The following SCHIP1 variants were observed in gnomAD, a reference collection of about 807,000 sequenced individuals.
SCHIP1 encodes the protein schwannomin-interacting protein 1.
In SCHIP1, 8 loss-of-function variants were observed where a neutral mutation model predicts 29.7. The ratio of observed to expected loss-of-function variants is 0.27; its 90% CI spans 0.16 to 0.49. The LOEUF is 0.49. Among genes scored for constraint, SCHIP1 ranks in the 20% least tolerant of loss-of-function variants. The pLI, the probability that SCHIP1 is intolerant of heterozygous loss-of-function variation, is 0.99. For missense variants in SCHIP1, 193 were observed against 294.6 expected (o/e 0.66, Z 2.52); for synonymous variants, 76 against 94.9 (o/e 0.80, Z 1.16).
the SCHIP1 span, among the ~76,000 whole-genome samples, chr3:159,610,175 C>T: frequency 1.0e-3 from 158 of 152,288 alleles, no homozygotes; most frequent in African/African-American, 3.5e-3. Flanking sequence ...CTAAGTTTGT[C>T]TGTCTCTAAA....
chr3:159,317,591 C>A, the SCHIP1 span, among the ~76,000 whole-genome samples: 1 of 152,152 alleles, frequency 6.6e-6, no homozygotes, highest in Non-Finnish European at 1.5e-5. Context: ...AGTATTGTCA[C>A]CTAGTTGGCA....
At chr3:159,614,870 C>T in the SCHIP1 span, among the ~76,000 whole-genome samples, 1,252 of 152,252 alleles carry the variant, frequency 8.2e-3, 11 homozygotes, top group African/African-American at 0.029. Flanking sequence ...GTGCTAGGTG[C>T]GTGCAAGGGA....
chr3:159,554,735 T>C, the SCHIP1 span, among the ~76,000 whole-genome samples: 5 of 152,084 alleles, frequency 3.3e-5, no homozygotes, highest in Admixed American at 2.0e-4. Flanking sequence ...AACCCTAAGA[T>C]AGTGGCTCTG....
chr3:159,750,296 T>TATATATATATACAC, the SCHIP1 span, among the ~76,000 whole-genome samples: 33 of 132,736 alleles, frequency 2.5e-4, no homozygotes, highest in African/African-American at 8.7e-4. Context: ...TATATATATA[T>TATATATATATACAC]ACACACACAC....
At chr3:159,841,183 G>GT (rs1245435698) in intron 1 of SCHIP1, among the ~76,000 whole-genome samples, 1 of 152,202 alleles carries the variant, frequency 6.6e-6, no homozygotes, top group African/African-American at 2.4e-5. Flanking sequence ...TTTCACAATG[G>GT]TAAATATGTG....
chr3:159,735,375 A>T, the SCHIP1 span, among the ~76,000 whole-genome samples: 1 of 151,646 alleles, frequency 6.6e-6, no homozygotes, highest in African/African-American at 2.4e-5. Context: ...GATTACAGGC[A>T]CCCGTCATCA....
At chr3:159,531,122 T>C in the SCHIP1 span, among the ~76,000 whole-genome samples, 2 of 152,226 alleles carry the variant, frequency 1.3e-5, no homozygotes, top group Non-Finnish European at 2.9e-5. Flanking sequence ...AGGTTGGATA[T>C]TTTTTAATTG....
At chr3:159,514,194 G>A in the SCHIP1 span, among the ~76,000 whole-genome samples, 1 of 152,072 alleles carries the variant, frequency 6.6e-6, no homozygotes, top group African/African-American at 2.4e-5. Context: ...CACCGTCATG[G>A]AAAACTATGA....
chr3:159,606,023 G>A, the SCHIP1 span, among the ~76,000 whole-genome samples: 7 of 152,156 alleles, frequency 4.6e-5, no homozygotes, highest in African/African-American at 1.2e-4. Flanking sequence ...GAAAGCACTC[G>A]AACTGTGACA....
chr3:159,782,899 G>C, the SCHIP1 span, among the ~76,000 whole-genome samples: 43 of 152,176 alleles, frequency 2.8e-4, no homozygotes, highest in Non-Finnish European at 5.0e-4. Flanking sequence ...CACCCAGAGA[G>C]CTCTCCTCCC....
the SCHIP1 span, among the ~76,000 whole-genome samples, chr3:159,347,314 G>A: frequency 3.3e-5 from 5 of 152,142 alleles, no homozygotes; most frequent in African/African-American, 1.2e-4. Flanking sequence ...CATAATCTCA[G>A]CATGTATTTA....
At chr3:159,300,647 C>T in the SCHIP1 span, among the ~76,000 whole-genome samples, 1 of 152,234 alleles carries the variant, frequency 6.6e-6, no homozygotes, top group African/African-American at 2.4e-5. Context: ...GCACCGACTA[C>T]AATGGCCTGT....
chr3:159,294,055 T>C, the SCHIP1 span, among the ~76,000 whole-genome samples: 109 of 152,222 alleles, frequency 7.2e-4, no homozygotes, highest in Middle Eastern at 3.4e-3. Flanking sequence ...CCATCTTGAA[T>C]GGAGTGCCTG....
the SCHIP1 span, among the ~76,000 whole-genome samples, chr3:159,756,895 C>T: frequency 6.6e-6 from 1 of 152,366 alleles, no homozygotes; most frequent in Non-Finnish European, 1.5e-5. Flanking sequence ...TGCTCCAGTT[C>T]CCAACAAGTT....
At chr3:159,787,942 G>A in the SCHIP1 span, among the ~76,000 whole-genome samples, 1 of 152,110 alleles carries the variant, frequency 6.6e-6, no homozygotes, top group Non-Finnish European at 1.5e-5. Flanking sequence ...TGTGATTGAG[G>A]TTTATGTAGG....
the SCHIP1 span, among the ~76,000 whole-genome samples, chr3:159,479,344 A>G: frequency 2.6e-5 from 4 of 152,180 alleles, no homozygotes; most frequent in Non-Finnish European, 5.9e-5. Context: ...AAAAAAATCT[A>G]AAAGCCAGGT....
At chr3:159,813,337 T>C in the SCHIP1 span, among the ~76,000 whole-genome samples, 1 of 152,182 alleles carries the variant, frequency 6.6e-6, no homozygotes, top group South Asian at 2.1e-4. Context: ...GAAACTAAGA[T>C]TCACAGAAAT....
chr3:159,724,347 G>A, the SCHIP1 span, among the ~76,000 whole-genome samples: 26 of 152,300 alleles, frequency 1.7e-4, no homozygotes, highest in Admixed American at 3.9e-4. Context: ...GATGGGCCAA[G>A]GGTTTGGGTG....
the SCHIP1 span, among the ~76,000 whole-genome samples, chr3:159,742,110 C>T: frequency 6.6e-6 from 1 of 152,038 alleles, no homozygotes; most frequent in Non-Finnish European, 1.5e-5. Context: ...CCTGTAGCCC[C>T]AGCTACTCGG....
Sources: gnomAD v4.1 joint callset for allele counts (sites outside exome capture counted in the v4.1 genomes callset) on GRCh38, gnomAD v4.1.1 for gene constraint, MANE v1.5 for transcripts, NCBI Gene and HGNC (gene_info 2026-07-23, HGNC 2026-07-21) for gene names.